Variants in ADAM22 observed in about 807,000 individuals in gnomAD.
ADAM22 encodes the protein disintegrin and metalloproteinase domain-containing protein 22.
In ADAM22, 65 loss-of-function variants were observed where a neutral mutation model predicts 144.6. That is an observed-to-expected ratio of 0.45 (90% CI 0.37 to 0.55). The LOEUF (loss-of-function observed/expected upper bound fraction) is 0.55, where lower values mean the gene tolerates loss of function less well. ADAM22 is among the 20% of genes least tolerant of loss of function. The pLI, the probability that ADAM22 is intolerant of heterozygous loss-of-function variation, is 0.00. For missense variants in ADAM22, 974 were observed against 1,184.9 expected, an observed-to-expected ratio of 0.82 and a Z score of 2.61; for synonymous variants, 391 against 412.6, an observed-to-expected ratio of 0.95 and a Z score of 0.63.
intron 3 of ADAM22, among the ~76,000 whole-genome samples, chr7:88,024,479 G>T (rs553898881): frequency 6.6e-6 from 1 of 152,090 alleles, no homozygotes; most frequent in Non-Finnish European, 1.5e-5. Flanking sequence ...TTTGCCATTT[G>T]TATGTCTTCT....
Position 88,145,433 on chromosome 7 carries a change from G to C in ADAM22, c.1411G>C (p.Ala471Pro). The change falls in exon 17 of 32, where the codon GCA becomes CCA. Residue 471 changes from alanine to proline, a missense_variant. Coordinates refer to ENST00000413139, the MANE Select transcript of ADAM22 (RefSeq NM_001324418.2). The stretch of plus-strand genomic sequence containing the variant: ...TCCTTAGGAATGTGTCCTTGAAGGA[G>C]CAGAGTGTTGTAAGAAATGCACCTT... ...GTPAECVLEG[A>P]ECCKKCTLTQ... 1 of 1,613,582 alleles carries C rather than the reference G, an allele frequency of 6.2e-7. No individual in the cohort carries two copies.
chr7:88,179,211 A>G, intron 27 of ADAM22, 82 bp downstream of exon 27: 1 of 600,130 alleles, frequency 1.7e-6, no homozygotes, highest in South Asian at 1.9e-5. Context: ...AAAATGCCAT[A>G]TGCTCAGAAC....
intron 26 of ADAM22, 46 bp from the exon 27 acceptor site, chr7:88,178,889 T>A (rs372648362): frequency 4.0e-6 from 5 of 1,253,648 alleles, no homozygotes; most frequent in Non-Finnish European, 4.5e-6. Flanking sequence ...TCTGTGTTCA[T>A]GTGTGTGTCT....
At position 88,153,334 on chromosome 7, in the gene ADAM22, G is replaced by A. The variant is rs1477215068; in HGVS notation, c.1787+8G>A. On this transcript the variant is annotated splice_region_variant and intron_variant, in intron 21 of 31. Coordinates refer to ENST00000413139, the MANE Select transcript of ADAM22 (RefSeq NM_001324418.2). ...GATACAGTGCAACAAACGGTGAGGT[G>A]GAGACGTCAGCCCAGAATTCATCCC... 2 of 1,605,656 alleles carry A rather than the reference G, an allele frequency of 1.2e-6. No homozygotes were observed. The highest frequency in any genetic ancestry group is 1.7e-6 in the Non-Finnish European group (2 of 1,174,188).
intron 17 of ADAM22, among the ~76,000 whole-genome samples, chr7:88,145,977 ACATGATAATAC>A (rs1354945527): frequency 6.6e-6 from 1 of 152,104 alleles, no homozygotes; most frequent in East Asian, 1.9e-4. Flanking sequence ...GTACTTTGAG[ACATGATAATAC>A]CATGCATATA....
intron 2 of ADAM22, among the ~76,000 whole-genome samples, chr7:87,950,512 C>T (rs1443298858): frequency 2.0e-5 from 3 of 148,780 alleles, no homozygotes; most frequent in African/African-American, 5.1e-5. Flanking sequence ...TGTATATGTG[C>T]CACATTTTCT....
At chr7:88,000,054 G>A (rs983173952) in intron 3 of ADAM22, among the ~76,000 whole-genome samples, 4 of 151,584 alleles carry the variant, frequency 2.6e-5, no homozygotes, top group African/African-American at 7.3e-5. Flanking sequence ...TTACCAATAT[G>A]ACATTCATTA....
chr7:87,961,977 T>C (rs1293943268), intron 2 of ADAM22, among the ~76,000 whole-genome samples: 1 of 152,186 alleles, frequency 6.6e-6, no homozygotes, highest in Non-Finnish European at 1.5e-5. Context: ...TCCCTGAAGC[T>C]CAAAGTTCCA....
In ADAM22 at chr7:88,134,334, GAA is replaced by G; in HGVS notation, c.1086_1087del (p.Lys362AsnfsTer2). 6.2e-7 allele frequency: 1 copy of G among 1,602,740 alleles called. No homozygotes were observed. Among genetic ancestry groups the G allele is most frequent in the Non-Finnish European group, 8.5e-7 (1 of 1,175,956 alleles). On this transcript the variant is annotated frameshift_variant, in exon 13 of 32. Coordinates refer to ENST00000413139, the MANE Select transcript of ADAM22 (RefSeq NM_001324418.2). LOFTEE classifies it high-confidence loss of function. ...LKGGGVNEFG[K>X]TDLMAVTLAQ... is the part of the protein sequence containing the mutation. ...TTTTTGTTTTTGTTTTTCAGTTTGG[GAA>G]AACTGATTTAATGGCTGTTACACTT... is the stretch of plus-strand genomic sequence containing the variant.
chr7:88,160,883 G>A (rs1228673844), intron 22 of ADAM22, among the ~76,000 whole-genome samples: 4 of 151,886 alleles, frequency 2.6e-5, no homozygotes, highest in Admixed American at 2.6e-4. Context: ...CAAACACCGT[G>A]TGTTCTCACT....
chr7:88,142,392 G>A (rs1834957096), intron 14 of ADAM22, among the ~76,000 whole-genome samples: 1 of 152,160 alleles, frequency 6.6e-6, no homozygotes, highest in South Asian at 2.1e-4. Context: ...TTTGTGGAAT[G>A]CTCTGCAGTT....
chr7:88,034,274 T>G (rs897976837), intron 3 of ADAM22, among the ~76,000 whole-genome samples: 3 of 152,084 alleles, frequency 2.0e-5, no homozygotes, highest in African/African-American at 7.2e-5. Flanking sequence ...CTGCCAGAAG[T>G]TGGTCCTTCC....
chr7:87,943,073 G>T (rs1842783961), intron 2 of ADAM22, among the ~76,000 whole-genome samples: 1 of 150,212 alleles, frequency 6.7e-6, no homozygotes, highest in South Asian at 2.1e-4. Flanking sequence ...CAAACATTGG[G>T]GGAAATAGTT....
At chr7:88,053,255 C>T (rs1460199704) in intron 3 of ADAM22, among the ~76,000 whole-genome samples, 1 of 151,766 alleles carries the variant, frequency 6.6e-6, no homozygotes, top group African/African-American at 2.4e-5. Context: ...TAGCAAAAGC[C>T]AAGAGTTGGA....
intron 29 of ADAM22, among the ~76,000 whole-genome samples, chr7:88,183,486 G>A (rs1847590860): frequency 6.6e-6 from 1 of 151,798 alleles, no homozygotes. Context: ...ACGCACATTT[G>A]GTGTTTAACA....
chr7:88,049,658 A>G (rs767429691), intron 3 of ADAM22, among the ~76,000 whole-genome samples: 1 of 152,136 alleles, frequency 6.6e-6, no homozygotes, highest in Non-Finnish European at 1.5e-5. Context: ...TGGCCTCCCA[A>G]AGTGCTGGGA....
At chr7:88,083,431 ATAC>A (rs1236595054) in intron 4 of ADAM22, among the ~76,000 whole-genome samples, 2 of 152,136 alleles carry the variant, frequency 1.3e-5, no homozygotes, top group African/African-American at 4.8e-5. Context: ...TGGCACATGT[ATAC>A]ATATGTAACA....
At chr7:88,032,721 G>T (rs1800593766) in intron 3 of ADAM22, among the ~76,000 whole-genome samples, 1 of 152,170 alleles carries the variant, frequency 6.6e-6, no homozygotes, top group Non-Finnish European at 1.5e-5. Context: ...AATTCCCAGT[G>T]TTGGAGGTGC....
intron 3 of ADAM22, among the ~76,000 whole-genome samples, chr7:88,049,692 CG>C (rs1310531229): frequency 6.6e-6 from 1 of 152,112 alleles, no homozygotes; most frequent in Non-Finnish European, 1.5e-5. Flanking sequence ...CAAGTGCACC[CG>C]GCCTACCGTG....
Sources: gnomAD v4.1 joint callset for allele counts (sites outside exome capture counted in the v4.1 genomes callset) on GRCh38, gnomAD v4.1.1 for gene constraint, MANE v1.5 for transcripts, NCBI Gene and HGNC (gene_info 2026-07-23, HGNC 2026-07-21) for gene names.